Variants in POFUT3 observed in about 807,000 individuals in gnomAD.
POFUT3 encodes the protein protein O-fucosyltransferase 3.
the POFUT3 span, among the ~76,000 whole-genome samples, chr8:33,356,965 A>G: frequency 6.6e-6 from 1 of 152,148 alleles, no homozygotes; most frequent in Non-Finnish European, 1.5e-5. Flanking sequence ...CAGGTTTGTC[A>G]AAGATCAGAT....
At chr8:33,463,504 C>CAA in the POFUT3 span, among the ~76,000 whole-genome samples, 4 of 136,384 alleles carry the variant, frequency 2.9e-5, no homozygotes, top group Non-Finnish European at 6.4e-5. Flanking sequence ...GACTGCGTCT[C>CAA]AAAAAAAAAA....
At chr8:33,374,036 G>A in the POFUT3 span, among the ~76,000 whole-genome samples, 32 of 152,256 alleles carry the variant, frequency 2.1e-4, no homozygotes, top group East Asian at 2.9e-3. Flanking sequence ...GTTAGGAACC[G>A]GGCTGCAGAG....
chr8:33,385,710 C>T, the POFUT3 span, among the ~76,000 whole-genome samples: 2 of 151,770 alleles, frequency 1.3e-5, no homozygotes, highest in East Asian at 1.9e-4. Flanking sequence ...GGTGAAACCC[C>T]ATCTGTACTA....
chr8:33,354,008 C>T, the POFUT3 span, among the ~76,000 whole-genome samples: 2 of 152,140 alleles, frequency 1.3e-5, no homozygotes, highest in Non-Finnish European at 2.9e-5. Flanking sequence ...TCAGAAAGTG[C>T]ATTTTTTACT....
chr8:33,376,058 T>C, the POFUT3 span, among the ~76,000 whole-genome samples: 1 of 150,964 alleles, frequency 6.6e-6, no homozygotes, highest in Admixed American at 6.6e-5. Flanking sequence ...AACAGAAACA[T>C]TGGGTAAATA....
chr8:33,308,954 G>T, the POFUT3 span, among the ~76,000 whole-genome samples: 2 of 150,948 alleles, frequency 1.3e-5, no homozygotes, highest in East Asian at 3.9e-4. Flanking sequence ...CCAGGCTGTT[G>T]CTTCCCAGTC....
chr8:33,309,189 TATATATATATAC>T, the POFUT3 span, among the ~76,000 whole-genome samples: 13 of 116,692 alleles, frequency 1.1e-4, no homozygotes, highest in East Asian at 4.8e-4. Flanking sequence ...TATATATATA[TATATATATATAC>T]ACACACATAT....
chr8:33,354,017 C>T, the POFUT3 span, among the ~76,000 whole-genome samples: 11 of 152,248 alleles, frequency 7.2e-5, no homozygotes, highest in East Asian at 2.1e-3. Context: ...GCATTTTTTA[C>T]TCTCTTTCTT....
the POFUT3 span, among the ~76,000 whole-genome samples, chr8:33,349,798 C>T: frequency 2.0e-5 from 3 of 152,248 alleles, no homozygotes; most frequent in East Asian, 5.8e-4. Flanking sequence ...GGCAGATACC[C>T]AATAGCGGGA....
At chr8:33,320,270 C>G in the POFUT3 span, among the ~76,000 whole-genome samples, 1 of 151,790 alleles carries the variant, frequency 6.6e-6, no homozygotes, top group African/African-American at 2.4e-5. Flanking sequence ...AGAGTATAAC[C>G]CAACATTGAA....
At chr8:33,461,482 G>A in the POFUT3 span, 6 of 1,613,022 alleles carry the variant, frequency 3.7e-6, no homozygotes, top group African/African-American at 2.7e-5. Flanking sequence ...CTGACAGAGG[G>A]CTAACCTGGT....
chr8:33,327,032 C>T, the POFUT3 span, among the ~76,000 whole-genome samples: 1 of 152,172 alleles, frequency 6.6e-6, no homozygotes, highest in Non-Finnish European at 1.5e-5. Context: ...CCTGTCTCTG[C>T]GTCCCAAAGT....
At chr8:33,449,013 G>A in the POFUT3 span, among the ~76,000 whole-genome samples, 15 of 152,130 alleles carry the variant, frequency 9.9e-5, no homozygotes, top group African/African-American at 3.6e-4. Flanking sequence ...TACAGTGGGT[G>A]GGAGGAGGAA....
the POFUT3 span, among the ~76,000 whole-genome samples, chr8:33,455,588 G>A: frequency 6.6e-6 from 1 of 152,226 alleles, no homozygotes; most frequent in Non-Finnish European, 1.5e-5. Flanking sequence ...ATATGCTGGA[G>A]AAAGGGTTGA....
the POFUT3 span, among the ~76,000 whole-genome samples, chr8:33,350,449 C>T: frequency 6.6e-6 from 1 of 152,114 alleles, no homozygotes; most frequent in Non-Finnish European, 1.5e-5. Context: ...CCACGGCCAG[C>T]TCCTGAACTT....
chr8:33,363,767 G>A, the POFUT3 span, among the ~76,000 whole-genome samples: 6 of 152,136 alleles, frequency 3.9e-5, no homozygotes, highest in Non-Finnish European at 8.8e-5. Flanking sequence ...CTGAAATTGA[G>A]GCAATAATTA....
the POFUT3 span, among the ~76,000 whole-genome samples, chr8:33,454,004 G>A: frequency 0.022 from 3,366 of 152,226 alleles, 60 homozygotes; most frequent in East Asian, 0.078. Context: ...ATGCATGCCT[G>A]TAATCCCAGA....
the POFUT3 span, among the ~76,000 whole-genome samples, chr8:33,333,793 G>A: frequency 3.3e-5 from 5 of 152,136 alleles, no homozygotes; most frequent in African/African-American, 1.2e-4. Flanking sequence ...AGAGCAAGAG[G>A]AAGCCCCTTT....
chr8:33,357,712 C>A, the POFUT3 span, among the ~76,000 whole-genome samples: 1 of 152,102 alleles, frequency 6.6e-6, no homozygotes, highest in Admixed American at 6.5e-5. Flanking sequence ...CATACACATG[C>A]AGAACTACAT....
Sources: allele counts gnomAD v4.1 joint callset (sites outside exome capture counted in the v4.1 genomes callset), GRCh38; gene constraint gnomAD v4.1.1; transcripts MANE v1.5; gene names NCBI Gene and HGNC (gene_info 2026-07-23, HGNC 2026-07-21).